The following SYNPR variants were observed in gnomAD, a reference collection of about 807,000 sequenced individuals.
SYNPR encodes the protein synaptoporin.
A neutral mutation model predicts 32.9 loss-of-function variants in SYNPR; 23 were observed. The ratio of observed to expected loss-of-function variants is 0.70; its 90% CI spans 0.50 to 0.99. The LOEUF (loss-of-function observed/expected upper bound fraction) is 0.99. SYNPR is among the 50% of genes least tolerant of loss of function. SYNPR has a pLI of 0.00. For missense variants in SYNPR, 318 were observed against 349.3 expected (o/e 0.91, Z 0.71); for synonymous variants, 146 against 135.9 (o/e 1.07, Z -0.52).
At chr3:63,429,281 C>T (rs960225816) in intron 2 of SYNPR, among the ~76,000 whole-genome samples, 27 of 152,188 alleles carry the variant, frequency 1.8e-4, no homozygotes, top group Non-Finnish European at 8.8e-5. Flanking sequence ...ATGTAGCCTT[C>T]TTCTCTGTAG....
intron 3 of SYNPR, among the ~76,000 whole-genome samples, chr3:63,504,788 G>A (rs529191047): frequency 3.9e-5 from 6 of 152,196 alleles, no homozygotes; most frequent in African/African-American, 1.4e-4. Flanking sequence ...AAAGACTATC[G>A]AGGTTAATGG....
At chr3:63,278,870 C>A in intron 2 of SYNPR, 128 bp downstream of exon 2, 2 of 1,075,206 alleles carry the variant, frequency 1.9e-6, no homozygotes, top group Non-Finnish European at 2.7e-6. Flanking sequence ...CCGGGGATTT[C>A]AATCCTGCCC....
intron 2 of SYNPR, among the ~76,000 whole-genome samples, chr3:63,455,788 G>GTGTGTGTGTGTGTGTGT (rs1559504358): frequency 4.0e-5 from 3 of 74,616 alleles, no homozygotes; most frequent in African/African-American, 3.3e-4. Flanking sequence ...TGTGTGTGTG[G>GTGTGTGTGTGTGTGTGT]ATCTTCAGAT....
At chr3:63,593,197 T>C (rs1355412136) in intron 4 of SYNPR, among the ~76,000 whole-genome samples, 1 of 152,156 alleles carries the variant, frequency 6.6e-6, no homozygotes, top group Non-Finnish European at 1.5e-5. Flanking sequence ...TTAATGCTAC[T>C]ACTAATATTA....
intron 3 of SYNPR, among the ~76,000 whole-genome samples, chr3:63,542,140 A>G (rs1443425680): frequency 6.6e-6 from 1 of 152,184 alleles, no homozygotes; most frequent in Non-Finnish European, 1.5e-5. Context: ...CTAGAGACAC[A>G]GTAAGAAACT....
intron 4 of SYNPR, among the ~76,000 whole-genome samples, chr3:63,574,867 C>G (rs1702950799): frequency 6.6e-6 from 1 of 152,078 alleles, no homozygotes; most frequent in Non-Finnish European, 1.5e-5. Flanking sequence ...GTTCAGTCTT[C>G]AAAGTACAGT....
intron 3 of SYNPR, among the ~76,000 whole-genome samples, chr3:63,500,881 G>C (rs1184547464): frequency 6.6e-6 from 1 of 152,058 alleles, no homozygotes; most frequent in Admixed American, 6.6e-5. Flanking sequence ...ACATAGTGTG[G>C]TATAGACAAG....
chr3:63,520,666 CCATCTCAAAAAAAAAAA>C (rs1357880944), intron 3 of SYNPR, among the ~76,000 whole-genome samples: 15 of 106,814 alleles, frequency 1.4e-4, no homozygotes, highest in East Asian at 2.8e-4. Flanking sequence ...GAGCAAGACT[CCATCTCAAAAAAAAAAA>C]AAATCAGAGT....
At chr3:63,348,305 T>C (rs554714753) in intron 2 of SYNPR, among the ~76,000 whole-genome samples, 1 of 152,318 alleles carries the variant, frequency 6.6e-6, no homozygotes. Flanking sequence ...TTTCATATGC[T>C]TGTTGACCAT....
At chr3:63,473,644 T>A (rs1700846000) in intron 2 of SYNPR, among the ~76,000 whole-genome samples, 1 of 152,182 alleles carries the variant, frequency 6.6e-6, no homozygotes, top group African/African-American at 2.4e-5. Flanking sequence ...TGTACTAAAA[T>A]GAGGAAGCCT....
intron 2 of SYNPR, among the ~76,000 whole-genome samples, chr3:63,284,331 A>C (rs377026527): frequency 1.3e-5 from 2 of 152,330 alleles, no homozygotes; most frequent in East Asian, 3.9e-4. Context: ...AAAAGAACTT[A>C]AACTCTCCAA....
chr3:63,264,506 G>A (rs959534909), intron 2 of SYNPR, among the ~76,000 whole-genome samples: 2 of 152,212 alleles, frequency 1.3e-5, no homozygotes, highest in South Asian at 2.1e-4. Flanking sequence ...TATTATAAAC[G>A]GAAACAACTC....
At chr3:63,556,095 G>C (rs993400343) in intron 3 of SYNPR, among the ~76,000 whole-genome samples, 8 of 152,206 alleles carry the variant, frequency 5.3e-5, no homozygotes, top group African/African-American at 1.9e-4. Flanking sequence ...GACCATGTTT[G>C]TCATAACTGA....
intron 2 of SYNPR, among the ~76,000 whole-genome samples, chr3:63,314,852 T>C (rs2087024441): frequency 6.6e-6 from 1 of 152,112 alleles, no homozygotes; most frequent in South Asian, 2.1e-4. Context: ...ATTTCTATAG[T>C]TTCAGGTCTT....
intron 2 of SYNPR, among the ~76,000 whole-genome samples, chr3:63,313,261 G>T (rs2086988045): frequency 6.6e-6 from 1 of 151,690 alleles, no homozygotes; most frequent in Non-Finnish European, 1.5e-5. Context: ...GGTGGTATCT[G>T]GTCACATGAG....
At chr3:63,509,508 C>A (rs1355562661) in intron 3 of SYNPR, among the ~76,000 whole-genome samples, 7 of 151,780 alleles carry the variant, frequency 4.6e-5, no homozygotes, top group Non-Finnish European at 1.0e-4. Flanking sequence ...ACATTCCTTG[C>A]TTTTGCCCAT....
the SYNPR span, among the ~76,000 whole-genome samples, chr3:63,210,383 T>A: frequency 6.6e-6 from 1 of 152,254 alleles, no homozygotes; most frequent in Non-Finnish European, 1.5e-5. Flanking sequence ...TAAAAGAAAT[T>A]TGATTCCATC....
chr3:63,484,443 C>A (rs2106703567), intron 3 of SYNPR, among the ~76,000 whole-genome samples: 1 of 152,030 alleles, frequency 6.6e-6, no homozygotes, highest in Non-Finnish European at 1.5e-5. Context: ...TGTAGAAAGC[C>A]TACTCTAGGA....
chr3:63,554,871 T>C (rs937290810), intron 3 of SYNPR, among the ~76,000 whole-genome samples: 4 of 152,206 alleles, frequency 2.6e-5, no homozygotes, highest in African/African-American at 9.7e-5. Flanking sequence ...CATTTATTTG[T>C]GTCATCTCTG....
Sources: allele counts gnomAD v4.1 joint callset (sites outside exome capture counted in the v4.1 genomes callset), GRCh38; gene constraint gnomAD v4.1.1; transcripts MANE v1.5; gene names NCBI Gene and HGNC (gene_info 2026-07-23, HGNC 2026-07-21).